ABCA12: variants seen among roughly 807,000 people sequenced by gnomAD.
The protein encoded by ABCA12 is glucosylceramide transporter ABCA12.
Under a neutral mutation model 293.5 loss-of-function variants are expected in ABCA12, and 156 were observed. That is an observed-to-expected ratio of 0.53 (90% confidence interval 0.47 to 0.61). ABCA12 has a LOEUF of 0.61. Ranked by LOEUF, ABCA12 falls within the 20% of genes least tolerant of loss-of-function variation. The probability of loss-of-function intolerance (pLI) is 0.00; values close to 1 mark genes in which losing one functional copy is unlikely to be tolerated. For synonymous variants in ABCA12, 1,063 were observed against 1,108.0 expected (o/e 0.96, Z 0.81); for missense variants, 2,797 against 3,090.2 (o/e 0.91, Z 2.25).
chr2:215,045,047 T>A (rs1465412137), intron 7 of ABCA12, among the ~76,000 whole-genome samples: 1 of 152,182 alleles, frequency 6.6e-6, no homozygotes, highest in East Asian at 1.9e-4. Flanking sequence ...AAATAAATAC[T>A]GTTTGTTGTA....
chr2:215,105,692 G>A (rs1702451605), intron 2 of ABCA12, among the ~76,000 whole-genome samples: 1 of 151,974 alleles, frequency 6.6e-6, no homozygotes, highest in Admixed American at 6.6e-5. Context: ...GAACCAAGGG[G>A]TGACAGGAAG....
rs1378848484 is a variant in ABCA12 at position 215,000,688 on chromosome 2, G to A, written c.3179+17C>T. On this transcript the variant is annotated intron_variant, in intron 22 of 52. Transcript: ENST00000272895. ...AAGTTGTTGATCATTAAAAAGGCTG[G>A]AAGTGCACACACTTACTTGTCTTTC... 5 of 1,613,432 alleles carry A rather than the reference G, an allele frequency of 3.1e-6. No homozygotes were observed.
intron 43 of ABCA12, 150 bp downstream of exon 43, chr2:214,955,052 C>T: frequency 1.0e-6 from 1 of 972,514 alleles, no homozygotes; most frequent in Non-Finnish European, 1.5e-6. Flanking sequence ...TTAGATGAGG[C>T]CCAAAAAGAA....
chr2:214,958,919 G>C, intron 40 of ABCA12, 105 bp downstream of exon 40: 1 of 1,212,008 alleles, frequency 8.3e-7, no homozygotes. Context: ...AGCCCTTCTA[G>C]ATTGACATTC....
At chr2:215,075,273 C>T (rs973013100) in intron 2 of ABCA12, among the ~76,000 whole-genome samples, 12 of 152,200 alleles carry the variant, frequency 7.9e-5, no homozygotes, top group Middle Eastern at 3.4e-3. Flanking sequence ...TACCAGTGTA[C>T]AGAATACCAA....
At chr2:214,979,159 A>C in intron 31 of ABCA12, 119 bp from the exon 32 acceptor site, 4 of 884,224 alleles carry the variant, frequency 4.5e-6, no homozygotes, top group Non-Finnish European at 7.6e-6. Flanking sequence ...GAGTCAGATC[A>C]TAACATCACT....
At chr2:215,118,847 T>C (rs557417983) in intron 1 of ABCA12, among the ~76,000 whole-genome samples, 26 of 152,228 alleles carry the variant, frequency 1.7e-4, no homozygotes, top group African/African-American at 5.8e-4. Flanking sequence ...GCCCGTTTTT[T>C]AAATGGGATT....
rs1702941754 is a variant in ABCA12, at chr2:215,127,026, T to C, written c.69+11114A>G. Among the ~76,000 whole-genome samples the C allele has an allele frequency of 2.0e-5, 3 of 152,182 alleles. No individual in the cohort carries two copies. In the East Asian group the frequency reaches 5.8e-4, roughly 29 times the overall value. On this transcript the variant is annotated intron_variant, in intron 1 of 52. Coordinates refer to ENST00000272895, the MANE Select transcript of ABCA12 (RefSeq NM_173076.3). ...TGTTGAGTTCGAAGAATTTTTAAATTTCCATATGATTTTTGTTTTTGACCC... is the reference window on the plus strand; with the variant it reads ...TGTTGAGTTCGAAGAATTTTTAAATCTCCATATGATTTTTGTTTTTGACCC...
intron 45 of ABCA12, 122 bp downstream of exon 45, chr2:214,950,757 G>T: frequency 9.6e-7 from 1 of 1,037,632 alleles, no homozygotes; most frequent in Non-Finnish European, 1.5e-6. Flanking sequence ...CACCCACCTC[G>T]GCCTCCCAAA....
In ABCA12 at chr2:214,997,811, T is replaced by A; in HGVS notation, c.3180-2A>T. The stretch of plus-strand genomic sequence containing the variant: ...GAATAAGAGACACTGGTTAGGAAGC[T>A]GTAAAACAAACAAAAAAAGAAAAAT... On this transcript the variant is annotated splice_acceptor_variant, in intron 22 of 52. Coordinates refer to ENST00000272895, the MANE Select transcript of ABCA12 (RefSeq NM_173076.3). LOFTEE classifies it high-confidence loss of function. 1 of 1,598,804 alleles carries A rather than the reference T, an allele frequency of 6.3e-7. No individual in the cohort carries two copies. The highest frequency in any genetic ancestry group is 8.6e-7 in the Non-Finnish European group (1 of 1,166,458).
chr2:215,050,406 T>C (rs1328142370), intron 5 of ABCA12, among the ~76,000 whole-genome samples: 1 of 152,120 alleles, frequency 6.6e-6, no homozygotes, highest in African/African-American at 2.4e-5. Flanking sequence ...CTAAAAGTAG[T>C]CATTGGAAAT....
chr2:214,950,483 GA>G lies in ABCA12; in HGVS notation c.6852+395del, dbSNP rs202134788. Among the ~76,000 whole-genome samples, 6 of 140,230 alleles carry G rather than the reference GA, an allele frequency of 4.3e-5. No individual in the cohort carries two copies. In the South Asian group the frequency reaches 1.4e-3, roughly 33 times the overall value. 92.0% of individuals were successfully genotyped at this position (140,230 alleles called of 152,430 possible). The stretch of plus-strand genomic sequence containing the variant: ...ATTCAGATTAACATTTATATTTCTA[GA>G]AAAAAATTGTGGGAAAATAATTAAG... On this transcript the variant is annotated intron_variant, in intron 45 of 52. Coordinates refer to ENST00000272895, the MANE Select transcript of ABCA12 (RefSeq NM_173076.3).
In ABCA12 at chr2:214,976,129, C is replaced by T. The variant is rs545535047; in HGVS notation, c.5129-92G>A. 44 of 1,512,602 alleles carry T rather than the reference C, an allele frequency of 2.9e-5. No individual in the cohort carries two copies. The Middle Eastern group carries it at 6.8e-4, about 23-fold the overall frequency. 93.7% of individuals were successfully genotyped at this position (1,512,602 alleles called of 1,614,324 possible). ...AACTATATATAAATGGTATAATACA[C>T]TGTGGTGGGAAAAGCTTTTAAAGAT... On this transcript the variant is annotated intron_variant, in intron 33 of 52. Transcript: ENST00000272895.
chr2:215,112,622 C>T (rs1006357216), intron 1 of ABCA12, among the ~76,000 whole-genome samples: 7 of 151,548 alleles, frequency 4.6e-5, no homozygotes, highest in South Asian at 2.1e-4. Context: ...CTCAGTCTCC[C>T]GAGTAGCTAG....
At position 214,997,570 on chromosome 2, in the gene ABCA12, T is replaced by C. The variant is rs189720093; in HGVS notation, c.3294+125A>G. On this transcript the variant is annotated intron_variant, in intron 23 of 52. Transcript: ENST00000272895. ...CTGCTTTTGTGATTTGTAAAAGGTT[T>C]TTCTTTCTGTTTAATTCACAAGGGA... is the stretch of plus-strand genomic sequence containing the variant. The C allele has an allele frequency of 8.9e-4, 618 of 697,212 alleles. 1 individual carries two copies. Among genetic ancestry groups the C allele is most frequent in the Non-Finnish European group, 1.3e-3 (534 of 419,020 alleles). The allele number at this position is 697,212 out of a possible 1,614,324, so 43.2% of individuals were successfully genotyped here.
chr2:214,949,175 A>G (rs1698672882), intron 45 of ABCA12, 26 bp from the exon 46 acceptor site: 2 of 1,538,034 alleles, frequency 1.3e-6, no homozygotes, highest in Non-Finnish European at 1.8e-6. Flanking sequence ...AAAAGAAGAT[A>G]TAAGCCTTAA....
intron 11 of ABCA12, chr2:215,021,908 C>T (rs965465133): frequency 1.6e-4 from 24 of 152,056 alleles, no homozygotes; most frequent in Non-Finnish European, 2.9e-4. Flanking sequence ...TTTATATGTA[C>T]AAAAATTCTA....
chr2:215,029,485 G>A (rs545422449), intron 9 of ABCA12: 61 of 151,970 alleles, frequency 4.0e-4, no homozygotes, highest in African/African-American at 1.4e-3. Context: ...TTACAACATA[G>A]AGCTATTTCC....
At chr2:215,103,020 A>T (rs1372553199) in intron 2 of ABCA12, among the ~76,000 whole-genome samples, 1 of 152,120 alleles carries the variant, frequency 6.6e-6, no homozygotes, top group Non-Finnish European at 1.5e-5. Flanking sequence ...TTTGTACTGC[A>T]CTTGCCTTGG....
Sources: allele counts gnomAD v4.1 joint callset (sites outside exome capture counted in the v4.1 genomes callset), GRCh38; gene constraint gnomAD v4.1.1; transcripts MANE v1.5; gene names NCBI Gene and HGNC (gene_info 2026-07-23, HGNC 2026-07-21).